The following RNF38 variants were observed in gnomAD, a reference collection of about 807,000 sequenced individuals.
RNF38 encodes ring finger protein 38.
Under a neutral mutation model 67.2 loss-of-function variants are expected in RNF38, and 15 were observed. That is an observed-to-expected ratio of 0.22 (90% CI 0.15 to 0.34). RNF38 has a LOEUF of 0.34. RNF38 is among the 10% of genes least tolerant of loss of function. The pLI, the probability that RNF38 is intolerant of heterozygous loss-of-function variation, is 1.00. For missense variants in RNF38, 524 were observed against 639.9 expected, an observed-to-expected ratio of 0.82 and a Z score of 1.95; for synonymous variants, 220 against 218.8, an observed-to-expected ratio of 1.01 and a Z score of -0.05.
chr9:36,395,259 T>C (rs890042908), intron 1 of RNF38, among the ~76,000 whole-genome samples: 2 of 152,146 alleles, frequency 1.3e-5, no homozygotes, highest in African/African-American at 4.8e-5. Flanking sequence ...AATTAGCACT[T>C]AGGACAAGAC....
chr9:36,408,667 AATGGGCC>A (rs1459088508), intron 2 of RNF38, among the ~76,000 whole-genome samples: 1 of 152,176 alleles, frequency 6.6e-6, no homozygotes, highest in Non-Finnish European at 1.5e-5. Context: ...GCTGGTGACC[AATGGGCC>A]ATGGGTCAAA....
intron 4 of RNF38, among the ~76,000 whole-genome samples, chr9:36,361,293 A>T (rs907383393): frequency 6.6e-6 from 1 of 151,998 alleles, no homozygotes; most frequent in East Asian, 1.9e-4. Context: ...CTGGGACTAC[A>T]GGTGCCTGCC....
At chr9:36,359,174 G>T (rs1564007230) in intron 4 of RNF38, among the ~76,000 whole-genome samples, 2 of 151,996 alleles carry the variant, frequency 1.3e-5, no homozygotes, top group East Asian at 3.9e-4. Context: ...TATTTAAGAG[G>T]TATATGAATC....
At chr9:36,483,000 G>C (rs1446699209) in intron 1 of RNF38, among the ~76,000 whole-genome samples, 2 of 152,196 alleles carry the variant, frequency 1.3e-5, no homozygotes, top group African/African-American at 4.8e-5. Context: ...TTGGTAAGTG[G>C]AGTACAGAAT....
chr9:36,410,184 G>A (rs1362873790), intron 2 of RNF38, among the ~76,000 whole-genome samples: 2 of 151,982 alleles, frequency 1.3e-5, no homozygotes, highest in Admixed American at 6.5e-5. Context: ...ATAAATTCCA[G>A]GTAGATAAGA....
chr9:36,379,464 C>A (rs1447989734), intron 2 of RNF38, among the ~76,000 whole-genome samples: 1 of 151,826 alleles, frequency 6.6e-6, no homozygotes, highest in African/African-American at 2.4e-5. Context: ...GAATATTGAA[C>A]CCAAATTTTG....
chr9:36,468,231 T>C (rs1251617408), intron 1 of RNF38, among the ~76,000 whole-genome samples: 1 of 141,738 alleles, frequency 7.1e-6, no homozygotes, highest in African/African-American at 2.7e-5. Context: ...GGCAGAGCAA[T>C]GTTCTGTCTT....
chr9:36,387,891 CA>C lies in RNF38; in HGVS notation c.162+2575del, dbSNP rs201044322. Among the ~76,000 whole-genome samples the C allele has an allele frequency of 4.0e-3, 598 of 150,620 alleles. 7 individuals carry two copies. Among genetic ancestry groups the C allele is most frequent in the East Asian group, 0.037 (188 of 5,148 alleles). ...ATTAAAAAACAAAAACAAAACAAAA[CA>C]AAAAAAACAGGAAACTACCCAAATG... On this transcript the variant is annotated intron_variant, in intron 2 of 11. Transcript: ENST00000259605.
At chr9:36,451,925 A>G (rs1259637140) in intron 1 of RNF38, among the ~76,000 whole-genome samples, 2 of 152,084 alleles carry the variant, frequency 1.3e-5, no homozygotes, top group Admixed American at 1.3e-4. Flanking sequence ...TTAAAAAAAA[A>G]ACTTTTTAAG....
At chr9:36,439,835 G>A (rs1443043417) in intron 1 of RNF38, among the ~76,000 whole-genome samples, 1 of 148,424 alleles carries the variant, frequency 6.7e-6, no homozygotes, top group Non-Finnish European at 1.5e-5. Context: ...AATGCTAACA[G>A]TACCAATCTC....
chr9:36,380,480 G>A (rs1328957205), intron 2 of RNF38, among the ~76,000 whole-genome samples: 1 of 151,630 alleles, frequency 6.6e-6, no homozygotes, highest in Non-Finnish European at 1.5e-5. Flanking sequence ...GATTACAGGC[G>A]TGAGCCACTG....
intron 2 of RNF38, among the ~76,000 whole-genome samples, chr9:36,420,462 G>T (rs1342684654): frequency 6.9e-6 from 1 of 144,696 alleles, no homozygotes; most frequent in Non-Finnish European, 1.5e-5. Flanking sequence ...AACCCAGGAG[G>T]CAGAGCTTGC....
chr9:36,404,730 T>A (rs1838137865), upstream of RNF38, among the ~76,000 whole-genome samples: 1 of 152,178 alleles, frequency 6.6e-6, no homozygotes, highest in Non-Finnish European at 1.5e-5. Context: ...AACAATTCTG[T>A]TTATATCCTT....
intron 5 of RNF38, among the ~76,000 whole-genome samples, chr9:36,356,963 T>C (rs1681459582): frequency 2.0e-5 from 3 of 152,220 alleles, no homozygotes; most frequent in Admixed American, 2.0e-4. Context: ...TTTCTATTAC[T>C]GAGAAACTAA....
At chr9:36,451,491 GTTT>G (rs374396585) in intron 1 of RNF38, among the ~76,000 whole-genome samples, 8 of 58,668 alleles carry the variant, frequency 1.4e-4, no homozygotes, top group Admixed American at 9.5e-4. Flanking sequence ...AATTGTAGTA[GTTT>G]TTTTTTTTTT....
intron 1 of RNF38, among the ~76,000 whole-genome samples, chr9:36,472,030 A>T (rs1177013403): frequency 2.6e-5 from 4 of 152,238 alleles, no homozygotes; most frequent in Admixed American, 6.5e-5. Flanking sequence ...AATTTTAAAA[A>T]AACAATTTTA....
chr9:36,415,773 T>G (rs1838448690), intron 2 of RNF38, among the ~76,000 whole-genome samples: 1 of 151,994 alleles, frequency 6.6e-6, no homozygotes, highest in African/African-American at 2.4e-5. Context: ...AGTGCACTGG[T>G]TTTCTCAAAT....
At chr9:36,405,025 C>A (rs937744582), upstream of RNF38, among the ~76,000 whole-genome samples, 1 of 152,102 alleles carries the variant, frequency 6.6e-6, no homozygotes, top group Non-Finnish European at 1.5e-5. Flanking sequence ...AATCCCAGCA[C>A]TTTAGGAGGT....
intron 2 of RNF38, among the ~76,000 whole-genome samples, chr9:36,378,861 T>A (rs1265965604): frequency 1.3e-5 from 2 of 151,712 alleles, no homozygotes. Context: ...GAATGGGAAG[T>A]GAAGGGAGCT....
Sources: allele counts gnomAD v4.1 joint callset (sites outside exome capture counted in the v4.1 genomes callset), GRCh38; gene constraint gnomAD v4.1.1; transcripts MANE v1.5; gene names NCBI Gene and HGNC (gene_info 2026-07-23, HGNC 2026-07-21).